TTLL13: variants seen among roughly 807,000 people sequenced by gnomAD.
The protein encoded by TTLL13 is tubulin tyrosine ligase like 13, also known as tubulin polyglutamylase TTLL13.
the TTLL13 span, chr15:90,262,083 G>A: frequency 7.4e-5 from 114 of 1,535,834 alleles, no homozygotes; most frequent in Admixed American, 2.6e-4. Flanking sequence ...GGAAAATACC[G>A]GCGGATCTAC....
At chr15:90,253,084 C>T in the TTLL13 span, among the ~76,000 whole-genome samples, 1 of 152,200 alleles carries the variant, frequency 6.6e-6, no homozygotes, top group East Asian at 1.9e-4. Flanking sequence ...CCCCTAAGAA[C>T]TTGAAATTGT....
chr15:90,258,383 C>A, the TTLL13 span: 24 of 917,358 alleles, frequency 2.6e-5, no homozygotes, highest in Non-Finnish European at 4.0e-5. Context: ...GATGTGAAAG[C>A]CCTGGGGTGG....
chr15:90,251,927 T>G, the TTLL13 span, among the ~76,000 whole-genome samples: 1 of 151,596 alleles, frequency 6.6e-6, no homozygotes, highest in Non-Finnish European at 1.5e-5. Flanking sequence ...CAGGCTGGAG[T>G]GCAGTATTGC....
At chr15:90,258,426 C>G in the TTLL13 span, 1 of 693,524 alleles carries the variant, frequency 1.4e-6, no homozygotes, top group Non-Finnish European at 2.4e-6. Context: ...AGATCTCTAC[C>G]CTTTTGACCT....
chr15:90,257,528 C>T, the TTLL13 span: 1 of 1,090,106 alleles, frequency 9.2e-7, no homozygotes, highest in South Asian at 1.5e-5. Flanking sequence ...TGGAGAGAGA[C>T]AGGAGACGAG....
At chr15:90,256,568 T>TCTTTCCTTCCTTCCTTCCTTC in the TTLL13 span, among the ~76,000 whole-genome samples, 1 of 29,896 alleles carries the variant, frequency 3.3e-5, no homozygotes, top group African/African-American at 1.3e-4. Flanking sequence ...TTTCTTTCTT[T>TCTTTCCTTCCTTCCTTCCTTC]CTTTCTTTCT....
the TTLL13 span, chr15:90,255,910 T>C: frequency 3.7e-6 from 6 of 1,613,930 alleles, no homozygotes; most frequent in African/African-American, 2.7e-5. Flanking sequence ...CTTCCCATGC[T>C]GAGATACCAG....
the TTLL13 span, chr15:90,263,744 G>C: frequency 7.3e-6 from 5 of 687,688 alleles, no homozygotes; most frequent in Non-Finnish European, 1.1e-5. Flanking sequence ...CTCTAGCCTA[G>C]ATTTTGCTAG....
chr15:90,262,188 C>A, the TTLL13 span: 1 of 1,529,888 alleles, frequency 6.5e-7, no homozygotes, highest in South Asian at 1.2e-5. Flanking sequence ...GAGGAGTGTG[C>A]CAGGTACTTT....
At chr15:90,257,195 T>C in the TTLL13 span, 2 of 1,613,830 alleles carry the variant, frequency 1.2e-6, no homozygotes, top group East Asian at 2.2e-5. Context: ...GATCACATCC[T>C]GTGACCCTCT....
At chr15:90,263,322 T>A in the TTLL13 span, 1 of 577,176 alleles carries the variant, frequency 1.7e-6, no homozygotes, top group Non-Finnish European at 3.0e-6. Context: ...TTGCGTCTGT[T>A]CCCAAGCTCC....
At chr15:90,250,641 G>T in the TTLL13 span, 1 of 1,613,290 alleles carries the variant, frequency 6.2e-7, no homozygotes, top group Non-Finnish European at 8.5e-7. Flanking sequence ...ATGGAGCCGA[G>T]TACCTGTAGG....
chr15:90,259,334 G>A, the TTLL13 span, among the ~76,000 whole-genome samples: 3 of 152,028 alleles, frequency 2.0e-5, no homozygotes, highest in African/African-American at 4.8e-5. Flanking sequence ...AGCCTGCAGT[G>A]AGCCATGTTT....
chr15:90,253,387 A>G, the TTLL13 span: 1 of 1,587,730 alleles, frequency 6.3e-7, no homozygotes, highest in African/African-American at 1.3e-5. Flanking sequence ...TCCTGACCTG[A>G]GAGCCGACAG....
the TTLL13 span, chr15:90,258,098 G>A: frequency 6.2e-7 from 1 of 1,614,166 alleles, no homozygotes; most frequent in Non-Finnish European, 8.5e-7. Flanking sequence ...GAGAGCTGTG[G>A]GGGGACATCG....
the TTLL13 span, among the ~76,000 whole-genome samples, chr15:90,261,444 C>G: frequency 2.0e-5 from 3 of 149,974 alleles, no homozygotes; most frequent in Non-Finnish European, 3.0e-5. Flanking sequence ...CAATCAGAAA[C>G]CTAAAAAACT....
At chr15:90,256,239 G>T in the TTLL13 span, 4 of 1,614,146 alleles carry the variant, frequency 2.5e-6, no homozygotes, top group Non-Finnish European at 3.4e-6. Context: ...TTCATTACCC[G>T]AAATCCCCGG....
the TTLL13 span, among the ~76,000 whole-genome samples, chr15:90,261,398 A>C: frequency 6.7e-6 from 1 of 150,094 alleles, no homozygotes; most frequent in East Asian, 2.0e-4. Context: ...TTTTTTTTCA[A>C]ATGGAAAGCT....
At chr15:90,262,824 T>C in the TTLL13 span, 1 of 1,231,494 alleles carries the variant, frequency 8.1e-7, no homozygotes, top group Non-Finnish European at 1.1e-6. Context: ...GAAGATGAAG[T>C]GAGAGAATGG....
Sources: gnomAD v4.1 joint callset for allele counts (sites outside exome capture counted in the v4.1 genomes callset) on GRCh38, gnomAD v4.1.1 for gene constraint, MANE v1.5 for transcripts, NCBI Gene and HGNC (gene_info 2026-07-23, HGNC 2026-07-21) for gene names.